ARHGEF9: variants seen among roughly 807,000 people sequenced by gnomAD.
ARHGEF9 encodes rho guanine nucleotide exchange factor 9.
Under a neutral mutation model 41.3 loss-of-function variants are expected in ARHGEF9, and 2 were observed. That is an observed-to-expected ratio of 0.05 (90% CI 0.02 to 0.15). The LOEUF (loss-of-function observed/expected upper bound fraction) is 0.15, where lower values mean the gene tolerates loss of function less well. Among genes scored for constraint, ARHGEF9 ranks in the 10% least tolerant of loss-of-function variants. The pLI, the probability that ARHGEF9 is intolerant of heterozygous loss-of-function variation, is 1.00. For missense variants in ARHGEF9, 225 were observed against 424.7 expected, an observed-to-expected ratio of 0.53 and a Z score of 4.13; for synonymous variants, 160 against 154.4, an observed-to-expected ratio of 1.04 and a Z score of -0.27.
At chrX:63,733,095 T>C (rs2054411030) in intron 1 of ARHGEF9, among the ~76,000 whole-genome samples, 1 of 112,279 alleles carries the variant, frequency 8.9e-6, no homozygotes, top group African/African-American at 3.2e-5. Context: ...TATATACTTC[T>C]GAATGATAGG....
intron 8 of ARHGEF9, among the ~76,000 whole-genome samples, chrX:63,644,571 C>G (rs2047868694): frequency 9.1e-6 from 1 of 109,675 alleles, no homozygotes; most frequent in Non-Finnish European, 1.9e-5. Flanking sequence ...TGCTAAGTCC[C>G]AGGCAGGATG....
chrX:63,687,625 A>G (rs1332012317), intron 4 of ARHGEF9, among the ~76,000 whole-genome samples: 1 of 111,156 alleles, frequency 9.0e-6, no homozygotes. Context: ...TGTAACACAG[A>G]AAAGCAATTC....
chrX:63,754,517 C>T, intron 1 of ARHGEF9: 1 of 1,094,547 alleles, frequency 9.1e-7, no homozygotes, highest in Non-Finnish European at 1.2e-6. Flanking sequence ...ATGAGTATGA[C>T]ATTGACAAGC....
rs189321675 is a variant in ARHGEF9, at chrX:63,636,576, T to C, written c.*1452A>G. 1.7e-3 allele frequency: 325 copies of C among 189,318 alleles called. 1 individual carries two copies. Among genetic ancestry groups the C allele is most frequent in the African/African-American group, 8.3e-3 (280 of 33,545 alleles). 15.6% of individuals were successfully genotyped at this position (189,318 alleles called of 1,213,427 possible). A position where few individuals can be genotyped will look rare whatever the true frequency, so the allele number is the denominator to read the frequency against. ...TGTTGGAAACACGGCCTTCTTTGAG[T>C]GCCAGAACAGCTTTAACTATATCAA... On this transcript the variant is annotated 3_prime_UTR_variant, in exon 10 of 10. Transcript: ENST00000671741.
chrX:63,724,567 C>T lies in ARHGEF9; in HGVS notation c.175G>A (p.Asp59Asn). The T allele has an allele frequency of 8.3e-7, 1 of 1,211,173 alleles. No homozygotes were observed. The highest frequency in any genetic ancestry group is 1.1e-6 in the Non-Finnish European group (1 of 895,413). ...CTGGCAGGAAACCATCCCTCCTCAT[C>T]GTCGATCTGGCCCCACCACCAATCC... is the stretch of plus-strand genomic sequence containing the variant. ...NKDWWWGQIDDEEGWFPASFV... is the reference protein window; with the variant it reads ...NKDWWWGQIDNEEGWFPASFV... Residue 59 changes from aspartate to asparagine, a missense_variant, in exon 2 of 10, where the codon GAT (aspartate) becomes AAT (asparagine). Coordinates refer to ENST00000671741, the MANE Select transcript of ARHGEF9 (RefSeq NM_001353921.2).
At chrX:63,688,380 T>C (rs185623212) in intron 4 of ARHGEF9, among the ~76,000 whole-genome samples, 2 of 112,202 alleles carry the variant, frequency 1.8e-5, no homozygotes, top group East Asian at 5.6e-4. Flanking sequence ...TGAAGCCAGT[T>C]GTTCAATCTT....
intron 5 of ARHGEF9, among the ~76,000 whole-genome samples, chrX:63,678,026 G>C (rs1471732142): frequency 9.0e-6 from 1 of 111,184 alleles, no homozygotes; most frequent in Non-Finnish European, 1.9e-5. Context: ...TACATCTTTG[G>C]GTTCGTTTTT....
At chrX:63,649,996 G>A (rs1569434162) in intron 8 of ARHGEF9, among the ~76,000 whole-genome samples, 1 of 111,439 alleles carries the variant, frequency 9.0e-6, no homozygotes, top group Non-Finnish European at 1.9e-5. Context: ...GAAAAAGAAG[G>A]AAATAAAAGT....
chrX:63,705,418 C>T (rs1359248601), intron 3 of ARHGEF9, among the ~76,000 whole-genome samples: 7 of 107,610 alleles, frequency 6.5e-5, no homozygotes, highest in Admixed American at 1.0e-4. Context: ...CCTTTTAAAA[C>T]GCTGCCTTCA....
At chrX:63,686,372 G>T (rs1204155834) in intron 4 of ARHGEF9, among the ~76,000 whole-genome samples, 1 of 111,309 alleles carries the variant, frequency 9.0e-6, no homozygotes, top group Non-Finnish European at 1.9e-5. Context: ...GTGAGCAGGT[G>T]AGAAGGGAGA....
At chrX:63,706,506 C>T (rs1354674011) in intron 2 of ARHGEF9, 57 bp from the exon 3 acceptor site, 9 of 1,120,072 alleles carry the variant, frequency 8.0e-6, no homozygotes, top group African/African-American at 7.3e-5. Flanking sequence ...GGGAGGTTTC[C>T]AGGCAAGTAG....
intron 1 of ARHGEF9, among the ~76,000 whole-genome samples, chrX:63,740,203 C>T (rs2054869014): frequency 8.9e-6 from 1 of 112,144 alleles, no homozygotes; most frequent in African/African-American, 3.2e-5. Context: ...CACCTAAATG[C>T]TGCAAATCTG....
chrX:63,767,533 A>T (rs1213163299), intron 1 of ARHGEF9: 1 of 225,373 alleles, frequency 4.4e-6, no homozygotes, highest in African/African-American at 2.9e-5. Flanking sequence ...TTTGCAGCTA[A>T]TTAAGATGAA....
chrX:63,697,567 CA>C, intron 3 of ARHGEF9, among the ~76,000 whole-genome samples: 1 of 111,708 alleles, frequency 9.0e-6, no homozygotes, highest in Non-Finnish European at 1.9e-5. Context: ...AGAAGACCCC[CA>C]AAGTCAAATA....
At chrX:63,686,834 C>A (rs1556376080) in intron 4 of ARHGEF9, among the ~76,000 whole-genome samples, 1 of 110,759 alleles carries the variant, frequency 9.0e-6, no homozygotes, top group African/African-American at 3.3e-5. Flanking sequence ...TGAAAAACTG[C>A]AAGCAAAAGG....
At chrX:63,741,076 C>T (rs782751242) in intron 1 of ARHGEF9, among the ~76,000 whole-genome samples, 7 of 112,652 alleles carry the variant, frequency 6.2e-5, no homozygotes, top group Non-Finnish European at 9.4e-5. Context: ...TTATTTCATT[C>T]CCAAGAAAGA....
At chrX:63,719,696 G>A (rs1210024369) in intron 2 of ARHGEF9, 3 of 295,976 alleles carry the variant, frequency 1.0e-5, no homozygotes, top group African/African-American at 8.2e-5. Context: ...CCCAGTGGCT[G>A]AGGTGACAGT....
At chrX:63,739,862 T>C (rs1556425404) in intron 1 of ARHGEF9, among the ~76,000 whole-genome samples, 1 of 112,256 alleles carries the variant, frequency 8.9e-6, no homozygotes, top group Non-Finnish European at 1.9e-5. Context: ...AAAACTCTTA[T>C]GAGAGACTAC....
intron 1 of ARHGEF9, chrX:63,754,347 C>T: frequency 8.3e-7 from 1 of 1,209,788 alleles, no homozygotes; most frequent in Non-Finnish European, 1.1e-6. Flanking sequence ...AAGCTCAAAA[C>T]GTTTTCCCCC....
Sources: allele counts gnomAD v4.1 joint callset (sites outside exome capture counted in the v4.1 genomes callset), GRCh38; gene constraint gnomAD v4.1.1; transcripts MANE v1.5; gene names NCBI Gene and HGNC (gene_info 2026-07-23, HGNC 2026-07-21).